Variants in MYO3B observed in about 807,000 individuals in gnomAD.
MYO3B encodes myosin-IIIb.
In MYO3B, 156 loss-of-function variants were observed where a neutral mutation model predicts 174.6. The ratio of observed to expected loss-of-function variants is 0.89; its 90% CI spans 0.78 to 1.02. MYO3B has a LOEUF of 1.02. Among genes scored for constraint, MYO3B ranks in the 50% least tolerant of loss-of-function variants. The pLI is 0.00. For missense variants in MYO3B, 1,632 were observed against 1,639.4 expected (o/e 1.00, Z 0.08); for synonymous variants, 563 against 569.1 (o/e 0.99, Z 0.15).
intron 32 of MYO3B, among the ~76,000 whole-genome samples, chr2:170,583,581 T>C (rs1446629138): frequency 1.3e-5 from 2 of 152,226 alleles, no homozygotes; most frequent in East Asian, 3.8e-4. Flanking sequence ...TTAAGATGGA[T>C]ACTAGGATTG....
intron 32 of MYO3B, among the ~76,000 whole-genome samples, chr2:170,629,757 G>A (rs1352701829): frequency 2.0e-5 from 3 of 152,184 alleles, no homozygotes; most frequent in Non-Finnish European, 2.9e-5. Flanking sequence ...GGCTGAGACA[G>A]GAGAATCACT....
At chr2:170,370,656 C>CAA (rs1448507972) in intron 9 of MYO3B, among the ~76,000 whole-genome samples, 1 of 149,752 alleles carries the variant, frequency 6.7e-6, no homozygotes, top group Non-Finnish European at 1.5e-5. Flanking sequence ...CACACACACA[C>CAA]ACACACACAC....
At chr2:170,188,490 C>A (rs2092498095) in intron 1 of MYO3B, among the ~76,000 whole-genome samples, 1 of 152,008 alleles carries the variant, frequency 6.6e-6, no homozygotes, top group African/African-American at 2.4e-5. Flanking sequence ...GGACTTAATT[C>A]TGCCATTTTG....
chr2:170,469,060 C>A (rs1199786138), intron 25 of MYO3B, among the ~76,000 whole-genome samples: 1 of 152,106 alleles, frequency 6.6e-6, no homozygotes, highest in African/African-American at 2.4e-5. Flanking sequence ...CGCTTGAACC[C>A]AGGAGGCGGA....
intron 22 of MYO3B, among the ~76,000 whole-genome samples, chr2:170,438,089 C>T (rs1247103260): frequency 3.3e-5 from 5 of 152,148 alleles, no homozygotes; most frequent in South Asian, 4.1e-4. Flanking sequence ...CCCACTTCCT[C>T]GTGTCCCCAG....
chr2:170,595,516 G>A (rs1175541717), intron 32 of MYO3B, among the ~76,000 whole-genome samples: 8 of 152,116 alleles, frequency 5.3e-5, no homozygotes, highest in Non-Finnish European at 1.2e-4. Context: ...ATGGCTCACT[G>A]CAGCCTTGAA....
intron 19 of MYO3B, among the ~76,000 whole-genome samples, chr2:170,403,387 C>G (rs949396353): frequency 1.3e-5 from 2 of 152,152 alleles, no homozygotes; most frequent in African/African-American, 2.4e-5. Flanking sequence ...CCCCTATCTG[C>G]TATATACCAG....
chr2:170,335,729 A>G (rs985814921), intron 8 of MYO3B, among the ~76,000 whole-genome samples: 1 of 152,206 alleles, frequency 6.6e-6, no homozygotes, highest in African/African-American at 2.4e-5. Context: ...ACAACTTGTC[A>G]TGTTTAATGG....
intron 17 of MYO3B, among the ~76,000 whole-genome samples, chr2:170,401,102 A>G (rs1242674346): frequency 6.6e-6 from 1 of 152,222 alleles, no homozygotes; most frequent in African/African-American, 2.4e-5. Context: ...TGAACAACAA[A>G]CAAACAAACT....
chr2:170,557,142 A>ATTTT (rs369628260), intron 32 of MYO3B, among the ~76,000 whole-genome samples: 2 of 137,556 alleles, frequency 1.5e-5, no homozygotes, highest in African/African-American at 2.9e-5. Flanking sequence ...TTTTATTTTT[A>ATTTT]TTTTTATTTT....
chr2:170,502,976 A>T (rs555011683), intron 28 of MYO3B, among the ~76,000 whole-genome samples: 35 of 152,286 alleles, frequency 2.3e-4, no homozygotes, highest in African/African-American at 8.4e-4. Context: ...ATCTCCTAGG[A>T]ATTCTAAGCT....
intron 7 of MYO3B, among the ~76,000 whole-genome samples, chr2:170,286,224 T>G (rs911493112): frequency 1.3e-5 from 2 of 152,196 alleles, no homozygotes; most frequent in African/African-American, 4.8e-5. Flanking sequence ...GTAAAGGAAA[T>G]GGACAGGTTT....
chr2:170,487,622 T>C (rs545931343), intron 25 of MYO3B, among the ~76,000 whole-genome samples: 1 of 152,338 alleles, frequency 6.6e-6, no homozygotes, highest in South Asian at 2.1e-4. Flanking sequence ...TTTCAGTCTG[T>C]GTAATTAGCC....
intron 32 of MYO3B, among the ~76,000 whole-genome samples, chr2:170,603,235 GC>G (rs555039231): frequency 6.6e-6 from 1 of 151,674 alleles, no homozygotes; most frequent in Non-Finnish European, 1.5e-5. Flanking sequence ...TGAAATCCAC[GC>G]CCCCCCAACC....
chr2:170,497,473 G>A (rs1387885229), intron 25 of MYO3B, among the ~76,000 whole-genome samples: 9 of 152,140 alleles, frequency 5.9e-5, no homozygotes, highest in Admixed American at 2.0e-4. Context: ...AAAATTAGCC[G>A]GGCACAGTGG....
chr2:170,406,996 A>C lies in MYO3B; in HGVS notation c.2521-719A>C, dbSNP rs78506191. 1.6e-3 allele frequency among the ~76,000 whole-genome samples: 242 copies of C among 152,290 alleles called. 1 individual carries two copies. Among genetic ancestry groups the C allele is most frequent in the African/African-American group, 5.6e-3 (234 of 41,550 alleles). On this transcript the variant is annotated intron_variant, in intron 21 of 34. Transcript: ENST00000408978. ...TTTGATACCTACCTACCACTTGTGA[A>C]ATGTGTGACCGTGGGCACATTACTC... is the stretch of plus-strand genomic sequence containing the variant.
chr2:170,465,668 C>T (rs538318069), intron 24 of MYO3B, among the ~76,000 whole-genome samples: 12 of 152,306 alleles, frequency 7.9e-5, no homozygotes, highest in South Asian at 4.1e-4. Flanking sequence ...CCTCTGGCTA[C>T]GGTTTTTCAG....
chr2:170,551,181 T>G (rs931674847), intron 32 of MYO3B, among the ~76,000 whole-genome samples: 8 of 152,094 alleles, frequency 5.3e-5, no homozygotes, highest in African/African-American at 1.9e-4. Flanking sequence ...ATTACAGGCA[T>G]GAGCCACCAC....
At chr2:170,366,851 T>G (rs980946375) in intron 8 of MYO3B, among the ~76,000 whole-genome samples, 1 of 152,170 alleles carries the variant, frequency 6.6e-6, no homozygotes, top group African/African-American at 2.4e-5. Context: ...CCACCTTTAA[T>G]TGTGGTCCCT....
Sources: gnomAD v4.1 joint callset for allele counts (sites outside exome capture counted in the v4.1 genomes callset) on GRCh38, gnomAD v4.1.1 for gene constraint, MANE v1.5 for transcripts, NCBI Gene and HGNC (gene_info 2026-07-23, HGNC 2026-07-21) for gene names.